The following UIMC1 variants were observed in gnomAD, a reference collection of about 807,000 sequenced individuals.
UIMC1 encodes BRCA1-A complex subunit RAP80.
A neutral mutation model predicts 84.9 loss-of-function variants in UIMC1; 42 were observed. The observed-to-expected ratio is 0.49, with a 90% CI of 0.39 to 0.64. UIMC1 has a LOEUF of 0.64. UIMC1 is among the 30% of genes least tolerant of loss of function. UIMC1 has a pLI of 0.00. For synonymous variants in UIMC1, 281 were observed against 293.0 expected (o/e 0.96, Z 0.42); for missense variants, 825 against 847.6 (o/e 0.97, Z 0.33).
chr5:177,020,523 T>C (rs1206428614), intron 1 of UIMC1, among the ~76,000 whole-genome samples: 1 of 152,166 alleles, frequency 6.6e-6, no homozygotes, highest in Non-Finnish European at 1.5e-5. Flanking sequence ...CTCCGCCTGC[T>C]GGGTTCACAC....
chr5:176,925,030 CAA>C (rs749987567), intron 10 of UIMC1, among the ~76,000 whole-genome samples: 16 of 52,938 alleles, frequency 3.0e-4, no homozygotes, highest in Admixed American at 4.0e-4. Context: ...GACTCTGCCT[CAA>C]AAAAAAAAAA....
chr5:176,929,960 G>A (rs1762888665), intron 10 of UIMC1, among the ~76,000 whole-genome samples: 1 of 152,202 alleles, frequency 6.6e-6, no homozygotes, highest in African/African-American at 2.4e-5. Flanking sequence ...TTCATATGGA[G>A]AAAAGACTGA....
chr5:176,945,754 C>T (rs1765024785), intron 9 of UIMC1, among the ~76,000 whole-genome samples: 1 of 152,240 alleles, frequency 6.6e-6, no homozygotes, highest in Non-Finnish European at 1.5e-5. Flanking sequence ...GCCATACTCC[C>T]TTCTGAGAAT....
At chr5:176,968,372 C>CA (rs752467394) in intron 6 of UIMC1, among the ~76,000 whole-genome samples, 183 bp downstream of exon 6, 3,807 of 137,114 alleles carry the variant, frequency 0.028, 74 homozygotes, top group African/African-American at 0.061. Flanking sequence ...GACTCCAACT[C>CA]AAAAAAAAAA....
At chr5:176,906,174 C>T in intron 13 of UIMC1, 127 bp from the exon 14 acceptor site, 1 of 823,344 alleles carries the variant, frequency 1.2e-6, no homozygotes, top group Non-Finnish European at 1.9e-6. Context: ...AGCACAGATC[C>T]CCAATCCCCT....
At chr5:177,001,543 C>T (rs572580298) in intron 1 of UIMC1, 245 of 152,104 alleles carry the variant, frequency 1.6e-3, no homozygotes, top group African/African-American at 5.7e-3. Context: ...AATGCAATTC[C>T]TATAAGAATC....
At chr5:176,922,718 A>C (rs572159935) in intron 10 of UIMC1, among the ~76,000 whole-genome samples, 21 of 152,338 alleles carry the variant, frequency 1.4e-4, no homozygotes, top group Non-Finnish European at 2.6e-4. Context: ...GTAGATTTTC[A>C]AACTTTAATT....
intron 2 of UIMC1, among the ~76,000 whole-genome samples, chr5:176,981,872 T>C (rs1006804789): frequency 2.6e-5 from 4 of 152,068 alleles, no homozygotes; most frequent in African/African-American, 9.7e-5. Flanking sequence ...AGATGAGACC[T>C]GCAGGCAGGC....
At chr5:176,980,651 T>C (rs1770894794) in intron 2 of UIMC1, among the ~76,000 whole-genome samples, 2 of 152,240 alleles carry the variant, frequency 1.3e-5, no homozygotes, top group African/African-American at 4.8e-5. Context: ...GGATTTTTTT[T>C]TAAACATATA....
intron 10 of UIMC1, among the ~76,000 whole-genome samples, chr5:176,926,829 C>T (rs780888312): frequency 5.3e-5 from 8 of 152,036 alleles, no homozygotes; most frequent in Non-Finnish European, 1.0e-4. Flanking sequence ...TCTCATACTT[C>T]TGAAATTTGA....
At chr5:177,007,796 CATG>C (rs1254070848), upstream of UIMC1, among the ~76,000 whole-genome samples, 1 of 151,982 alleles carries the variant, frequency 6.6e-6, no homozygotes, top group African/African-American at 2.4e-5. Flanking sequence ...ATAGATCTGT[CATG>C]ATTTCTATTA....
intron 1 of UIMC1, among the ~76,000 whole-genome samples, chr5:176,985,387 C>T (rs1771809105): frequency 6.8e-6 from 1 of 146,204 alleles, no homozygotes; most frequent in Admixed American, 7.0e-5. Flanking sequence ...ACCCGGGAGG[C>T]GGAGGTTGCA....
chr5:177,021,912 A>G (rs1581746739), intron 1 of UIMC1, among the ~76,000 whole-genome samples: 1 of 152,134 alleles, frequency 6.6e-6, no homozygotes, highest in Non-Finnish European at 1.5e-5. Flanking sequence ...TTAGCCTCCC[A>G]AAGTGCTGGG....
At chr5:176,960,044 A>G (rs544128158) in intron 6 of UIMC1, among the ~76,000 whole-genome samples, 1 of 152,328 alleles carries the variant, frequency 6.6e-6, no homozygotes, top group Non-Finnish European at 1.5e-5. Context: ...AACAAACAAA[A>G]TTATTGTGCT....
intron 1 of UIMC1, among the ~76,000 whole-genome samples, chr5:176,996,475 T>G (rs921639614): frequency 9.9e-5 from 15 of 151,934 alleles, no homozygotes; most frequent in Non-Finnish European, 8.8e-5. Context: ...TGTAAGGAGG[T>G]TGACAAATCT....
At chr5:176,914,997 G>A (rs1024903720) in intron 10 of UIMC1, among the ~76,000 whole-genome samples, 4 of 152,128 alleles carry the variant, frequency 2.6e-5, no homozygotes, top group African/African-American at 7.2e-5. Flanking sequence ...GAATCCTTTA[G>A]GAGTTCTATT....
intron 1 of UIMC1, 137 bp downstream of exon 1, chr5:177,006,513 C>CGAGAGA: frequency 6.6e-6 from 1 of 152,322 alleles, no homozygotes; most frequent in African/African-American, 2.4e-5. Context: ...TCAGGAAGGG[C>CGAGAGA]CGCCCCGGCG....
At chr5:176,971,232 A>G (rs1166920486) in intron 3 of UIMC1, among the ~76,000 whole-genome samples, 1 of 152,260 alleles carries the variant, frequency 6.6e-6, no homozygotes, top group Non-Finnish European at 1.5e-5. Context: ...TTTGCTAAAT[A>G]CCGCAACGCT....
chr5:177,003,200 C>CACACACACACACATATAA, intron 1 of UIMC1, among the ~76,000 whole-genome samples: 1 of 151,674 alleles, frequency 6.6e-6, no homozygotes, highest in East Asian at 1.9e-4. Flanking sequence ...AATGCATACC[C>CACACACACACACATATAA]ACACACACAC....
Sources: allele counts gnomAD v4.1 joint callset (sites outside exome capture counted in the v4.1 genomes callset), GRCh38; gene constraint gnomAD v4.1.1; transcripts MANE v1.5; gene names NCBI Gene and HGNC (gene_info 2026-07-23, HGNC 2026-07-21).